The following ANK2 variants were observed in gnomAD, a reference collection of about 807,000 sequenced individuals.
ANK2 encodes the protein ankyrin-2.
In ANK2, 83 loss-of-function variants were observed where a neutral mutation model predicts 360.5. The observed-to-expected ratio is 0.23, with a 90% CI of 0.19 to 0.28. The LOEUF is 0.28. Ranked by LOEUF, ANK2 falls within the 10% of genes least tolerant of loss-of-function variation. The pLI, the probability that ANK2 is intolerant of heterozygous loss-of-function variation, is 1.00. For missense variants in ANK2, 4,201 were observed against 4,795.7 expected (o/e 0.88, Z 3.66); for synonymous variants, 1,740 against 1,759.5 (o/e 0.99, Z 0.28).
chr4:113,091,317 A>G (rs1477739827), intron 1 of ANK2, among the ~76,000 whole-genome samples: 2 of 152,214 alleles, frequency 1.3e-5, no homozygotes, highest in Admixed American at 6.5e-5. Flanking sequence ...ATCCCAAATT[A>G]CCCTTAATTC....
intron 9 of ANK2, among the ~76,000 whole-genome samples, chr4:113,245,687 A>G (rs2042474826): frequency 6.6e-6 from 1 of 152,234 alleles, no homozygotes; most frequent in South Asian, 2.1e-4. Context: ...TACGGGAAAT[A>G]GAATTCAAGA....
intron 37 of ANK2, 82 bp downstream of exon 37, chr4:113,350,331 T>C: frequency 8.6e-7 from 1 of 1,168,722 alleles, no homozygotes; most frequent in Non-Finnish European, 1.3e-6. Context: ...AGCTAGTTGC[T>C]ATTACTAACC....
chr4:112,730,713 C>T, the ANK2 span, among the ~76,000 whole-genome samples: 1 of 149,918 alleles, frequency 6.7e-6, no homozygotes, highest in Admixed American at 6.6e-5. Context: ...ACCACACACA[C>T]ACACAACAGG....
At chr4:112,795,275 C>T in the ANK2 span, among the ~76,000 whole-genome samples, 5 of 152,122 alleles carry the variant, frequency 3.3e-5, no homozygotes, top group African/African-American at 1.2e-4. Flanking sequence ...AAACTAGATT[C>T]CTGGGATATT....
intron 2 of ANK2, among the ~76,000 whole-genome samples, chr4:112,916,429 A>C (rs2089864524): frequency 3.3e-5 from 5 of 152,244 alleles, no homozygotes; most frequent in Admixed American, 3.3e-4. Flanking sequence ...ATAATTCTAC[A>C]TCTAAATTAT....
chr4:112,716,907 C>T, the ANK2 span, among the ~76,000 whole-genome samples: 1 of 152,198 alleles, frequency 6.6e-6, no homozygotes, highest in African/African-American at 2.4e-5. Flanking sequence ...TGGGAGCCTA[C>T]TATCCACATT....
At chr4:113,231,933 A>G (rs1472253605) in intron 4 of ANK2, among the ~76,000 whole-genome samples, 3 of 152,192 alleles carry the variant, frequency 2.0e-5, no homozygotes, top group Admixed American at 6.5e-5. Flanking sequence ...TTAGCTGACG[A>G]GAAATGTGAC....
chr4:113,027,725 C>T (rs948956839), intron 2 of ANK2, among the ~76,000 whole-genome samples: 8 of 151,842 alleles, frequency 5.3e-5, no homozygotes, highest in African/African-American at 1.2e-4. Context: ...GAAAATTAAA[C>T]GTAACTGCTG....
intron 1 of ANK2, among the ~76,000 whole-genome samples, chr4:112,864,814 C>T (rs1022822288): frequency 1.3e-5 from 2 of 150,350 alleles, no homozygotes; most frequent in African/African-American, 4.9e-5. Flanking sequence ...GGGCGGATCA[C>T]GAGGTCAGGA....
chr4:113,296,908 G>A (rs1214905889), intron 22 of ANK2, among the ~76,000 whole-genome samples: 2 of 152,050 alleles, frequency 1.3e-5, no homozygotes, highest in African/African-American at 4.8e-5. Context: ...TGTGTTTTAT[G>A]TTGCATATAA....
intron 23 of ANK2, among the ~76,000 whole-genome samples, chr4:113,303,236 A>G (rs1235820258): frequency 6.6e-6 from 1 of 152,210 alleles, no homozygotes; most frequent in East Asian, 1.9e-4. Context: ...AGTATACTCC[A>G]TCAATGAGTG....
At chr4:113,012,294 A>T (rs543899969) in intron 2 of ANK2, among the ~76,000 whole-genome samples, 1 of 152,260 alleles carries the variant, frequency 6.6e-6, no homozygotes, top group African/African-American at 2.4e-5. Context: ...CTGAGCTGTA[A>T]TTGTCTTTTC....
chr4:112,822,913 C>T (rs1047946852), intron 1 of ANK2, among the ~76,000 whole-genome samples: 2 of 151,450 alleles, frequency 1.3e-5, no homozygotes, highest in African/African-American at 4.9e-5. Context: ...ATATATAGAA[C>T]ATTGCAATTC....
chr4:113,237,068 G>A lies in ANK2; in HGVS notation c.565G>A (p.Gly189Arg). Reference protein sequence around the residue: ...VAILLENDTKGKVRLPALHIA... With the variant: ...VAILLENDTKRKVRLPALHIA... Reference sequence around the variant, plus strand: ...CATCCTCTTGGAGAATGACACCAAAGGGAAAGTGAGGCTGCCAGCTCTGCA... The same window carrying A: ...CATCCTCTTGGAGAATGACACCAAAAGGAAAGTGAGGCTGCCAGCTCTGCA... Residue 189 changes from glycine (G) to arginine (R), a missense_variant, in exon 6 of 46, where the codon GGG (glycine) becomes AGG (arginine). Gly to Arg is a moderately radical substitution (Grantham distance 125). This residue lies in a region of ANK2 where 122 missense variants were observed against 239.3 expected (regional missense o/e 0.51). Transcript: ENST00000357077. The A allele has an allele frequency of 6.2e-7, 1 of 1,614,160 alleles. No homozygotes were observed. The highest frequency in any genetic ancestry group is 8.5e-7 in the Non-Finnish European group (1 of 1,180,020).
At chr4:113,188,842 A>G (rs1184265430) in intron 2 of ANK2, among the ~76,000 whole-genome samples, 5 of 152,182 alleles carry the variant, frequency 3.3e-5, no homozygotes, top group African/African-American at 9.6e-5. Flanking sequence ...AAAGATGGAT[A>G]TATTTATACC....
At chr4:112,723,524 C>T in the ANK2 span, among the ~76,000 whole-genome samples, 40 of 152,168 alleles carry the variant, frequency 2.6e-4, no homozygotes, top group South Asian at 6.7e-3. Context: ...CCACCATGCC[C>T]GGCTAATTTT....
intron 23 of ANK2, among the ~76,000 whole-genome samples, chr4:113,305,698 G>A (rs918244920): frequency 6.6e-6 from 1 of 152,164 alleles, no homozygotes; most frequent in African/African-American, 2.4e-5. Context: ...TTAATGTTTT[G>A]TGAGGTTAAT....
the ANK2 span, among the ~76,000 whole-genome samples, chr4:112,734,024 C>T: frequency 3.3e-5 from 5 of 152,246 alleles, no homozygotes; most frequent in Admixed American, 3.3e-4. Flanking sequence ...ATCCACCCGC[C>T]TCGGCCTCCC....
intron 2 of ANK2, among the ~76,000 whole-genome samples, chr4:112,970,098 C>T (rs909184610): frequency 6.6e-6 from 1 of 151,994 alleles, no homozygotes. Flanking sequence ...ATTCTCCTAC[C>T]TCAGCCTCCC....
Sources: gnomAD v4.1 joint callset for allele counts (sites outside exome capture counted in the v4.1 genomes callset) on GRCh38, gnomAD v4.1.1 for gene constraint, gnomAD v4.1.1 regional missense constraint, MANE v1.5 for transcripts, NCBI Gene and HGNC (gene_info 2026-07-23, HGNC 2026-07-21) for gene names.